The following GRAMD2B variants were observed in gnomAD, a reference collection of about 807,000 sequenced individuals.
GRAMD2B encodes GRAM domain-containing protein 2B.
A neutral mutation model predicts 59.2 loss-of-function variants in GRAMD2B; 41 were observed. That is an observed-to-expected ratio of 0.69 (90% CI 0.54 to 0.90). The LOEUF (loss-of-function observed/expected upper bound fraction) is 0.90. Ranked by LOEUF, GRAMD2B falls within the 40% of genes least tolerant of loss-of-function variation. The probability of loss-of-function intolerance (pLI) is 0.00; values close to 1 mark genes in which losing one functional copy is unlikely to be tolerated. For synonymous variants in GRAMD2B, 161 were observed against 182.7 expected (o/e 0.88, Z 0.96); for missense variants, 424 against 500.5 (o/e 0.85, Z 1.46).
In GRAMD2B at chr5:126,457,191, C is replaced by CAA. The variant is rs559904336; in HGVS notation, c.84-8206_84-8205dup. 2.3e-3 allele frequency among the ~76,000 whole-genome samples: 146 copies of CAA among 63,970 alleles called. 7 individuals are homozygous for CAA. Among genetic ancestry groups the CAA allele is most frequent in the African/African-American group, 7.7e-3 (140 of 18,116 alleles). 42.0% of individuals were successfully genotyped at this position (63,970 alleles called of 152,430 possible). ...GAGGCGACAGTGCGAGACTCCGTCTCAAAAAAAAAAAAAAAAAAAAAAAAA... is the reference window on the plus strand; with the variant it reads ...GAGGCGACAGTGCGAGACTCCGTCTCAAAAAAAAAAAAAAAAAAAAAAAAAAA... On this transcript the variant is annotated intron_variant, in intron 1 of 13. Transcript: ENST00000285689.
chr5:126,483,624 T>C, intron 9 of GRAMD2B, 50 bp downstream of exon 9: 1 of 935,994 alleles, frequency 1.1e-6, no homozygotes, highest in Non-Finnish European at 1.7e-6. Context: ...CCTCAAAACA[T>C]CCTCACCCCA....
intron 1 of GRAMD2B, among the ~76,000 whole-genome samples, chr5:126,360,787 G>A (rs1287446139): frequency 6.6e-6 from 1 of 152,208 alleles, no homozygotes; most frequent in African/African-American, 2.4e-5. Context: ...AATGCTAGGA[G>A]TGGCTTGAAA....
chr5:126,446,797 G>A (rs760165472), intron 1 of GRAMD2B, among the ~76,000 whole-genome samples: 12 of 152,072 alleles, frequency 7.9e-5, no homozygotes, highest in Non-Finnish European at 1.6e-4. Flanking sequence ...CCCAGAAACT[G>A]GGACTTGAGC....
At chr5:126,487,043 T>TTAG in intron 12 of GRAMD2B, 66 bp downstream of exon 12, 1 of 817,212 alleles carries the variant, frequency 1.2e-6, no homozygotes, top group Non-Finnish European at 2.1e-6. Flanking sequence ...TGACCTGAAC[T>TTAG]TAGCATCCTT....
chr5:126,431,986 G>A (rs1480199010), intron 1 of GRAMD2B, among the ~76,000 whole-genome samples: 3 of 152,128 alleles, frequency 2.0e-5, no homozygotes, highest in Non-Finnish European at 4.4e-5. Flanking sequence ...GGAGTGCAGT[G>A]GCGTGATCAC....
intron 1 of GRAMD2B, among the ~76,000 whole-genome samples, chr5:126,410,507 T>C (rs1561488849): frequency 6.6e-6 from 1 of 152,032 alleles, no homozygotes; most frequent in Non-Finnish European, 1.5e-5. Flanking sequence ...TATTGGTGTA[T>C]AAGAATGCTT....
upstream of GRAMD2B, chr5:126,423,215 CCAGGAGGCTAAA>C (rs973367450): frequency 9.8e-7 from 1 of 1,023,008 alleles, no homozygotes; most frequent in African/African-American, 1.7e-5. Flanking sequence ...GCTTAATTTA[CCAGGAGGCTAAA>C]CAGATTGTGC....
intron 1 of GRAMD2B, among the ~76,000 whole-genome samples, chr5:126,389,078 A>G (rs1331528262): frequency 1.3e-5 from 2 of 152,196 alleles, no homozygotes; most frequent in Non-Finnish European, 2.9e-5. Flanking sequence ...GAGAAGTAGC[A>G]TAGGATAGTA....
upstream of GRAMD2B, among the ~76,000 whole-genome samples, chr5:126,419,060 G>T (rs544248451): frequency 2.6e-4 from 39 of 152,206 alleles, no homozygotes; most frequent in South Asian, 8.1e-3. Context: ...ACTTATATTG[G>T]TTAATAAATA....
intron 1 of GRAMD2B, among the ~76,000 whole-genome samples, chr5:126,450,771 G>A (rs1343074484): frequency 6.6e-6 from 1 of 151,934 alleles, no homozygotes; most frequent in Non-Finnish European, 1.5e-5. Flanking sequence ...GGTGCAAGCT[G>A]TAAGCCTTGG....
At chr5:126,405,891 T>C (rs992114168) in intron 1 of GRAMD2B, among the ~76,000 whole-genome samples, 1 of 151,882 alleles carries the variant, frequency 6.6e-6, no homozygotes, top group Admixed American at 6.6e-5. Context: ...TCAATAGATA[T>C]TACATAGATT....
intron 1 of GRAMD2B, among the ~76,000 whole-genome samples, chr5:126,434,344 T>A (rs956861982): frequency 2.0e-5 from 3 of 152,076 alleles, no homozygotes; most frequent in African/African-American, 4.8e-5. Context: ...GCAGTGAAAG[T>A]TCAGCTATCA....
At chr5:126,461,002 A>AT (rs201971963) in intron 1 of GRAMD2B, among the ~76,000 whole-genome samples, 220 of 152,190 alleles carry the variant, frequency 1.4e-3, no homozygotes, top group East Asian at 3.5e-3. Context: ...AAGCTTAGTG[A>AT]TTTTTTTTAT....
At chr5:126,394,253 C>T (rs963580808) in intron 1 of GRAMD2B, among the ~76,000 whole-genome samples, 3 of 147,688 alleles carry the variant, frequency 2.0e-5, no homozygotes, top group South Asian at 2.1e-4. Context: ...CCAGCCCGGA[C>T]GACACAGCAA....
intron 1 of GRAMD2B, among the ~76,000 whole-genome samples, chr5:126,463,343 T>G (rs1045883171): frequency 1.3e-5 from 2 of 152,190 alleles, no homozygotes; most frequent in African/African-American, 4.8e-5. Flanking sequence ...AGAGGGCTTC[T>G]CAAGTAGATT....
intron 1 of GRAMD2B, among the ~76,000 whole-genome samples, chr5:126,391,044 A>C (rs1321266312): frequency 6.6e-6 from 1 of 152,042 alleles, no homozygotes; most frequent in Non-Finnish European, 1.5e-5. Context: ...AGACCTCCTA[A>C]TGTTAGTGGG....
intron 5 of GRAMD2B, among the ~76,000 whole-genome samples, chr5:126,474,118 T>A (rs773444929): frequency 3.3e-5 from 5 of 152,204 alleles, no homozygotes; most frequent in Non-Finnish European, 5.9e-5. Context: ...AGCTATGATG[T>A]CACATCACAG....
In GRAMD2B at chr5:126,472,189, T is replaced by C. The variant is rs529815392; in HGVS notation, c.316-49T>C. The C allele has an allele frequency of 2.1e-5, 31 of 1,446,132 alleles. No individual in the cohort carries two copies. In the South Asian group the frequency reaches 3.5e-4, roughly 16 times the overall value. 89.6% of individuals were successfully genotyped at this position (1,446,132 alleles called of 1,614,324 possible). A position where few individuals can be genotyped will look rare whatever the true frequency, so the allele number is the denominator to read the frequency against. On this transcript the variant is annotated intron_variant, in intron 3 of 13. Coordinates refer to ENST00000285689, the MANE Select transcript of GRAMD2B (RefSeq NM_023927.4). ...GTTGTTGAAGTTGAATTTGTGATGTTTCACAAGAAAGTGAGAATGGTGATG... is the reference window on the plus strand; with the variant it reads ...GTTGTTGAAGTTGAATTTGTGATGTCTCACAAGAAAGTGAGAATGGTGATG...
At chr5:126,399,750 A>G (rs1757665619) in intron 1 of GRAMD2B, among the ~76,000 whole-genome samples, 1 of 152,162 alleles carries the variant, frequency 6.6e-6, no homozygotes, top group African/African-American at 2.4e-5. Context: ...TTCACTCGAG[A>G]CAGTTTTACA....
Sources: gnomAD v4.1 joint callset for allele counts (sites outside exome capture counted in the v4.1 genomes callset) on GRCh38, gnomAD v4.1.1 for gene constraint, MANE v1.5 for transcripts, NCBI Gene and HGNC (gene_info 2026-07-23, HGNC 2026-07-21) for gene names.